The following ADA variants were observed in gnomAD, a reference collection of about 807,000 sequenced individuals.
The protein encoded by ADA is adenosine aminohydrolase.
A neutral mutation model predicts 49.0 loss-of-function variants in ADA; 45 were observed. That is an observed-to-expected ratio of 0.92 (90% CI 0.72 to 1.18). ADA has a LOEUF of 1.18. ADA is among the 50% of genes most tolerant of loss of function. ADA has a pLI of 0.00. For missense variants in ADA, 445 were observed against 472.5 expected, an observed-to-expected ratio of 0.94 and a Z score of 0.54; for synonymous variants, 173 against 184.2, an observed-to-expected ratio of 0.94 and a Z score of 0.49.
chr20:44,632,088 A>G (rs547946107), intron 2 of ADA, among the ~76,000 whole-genome samples: 74 of 152,254 alleles, frequency 4.9e-4, no homozygotes, highest in Non-Finnish European at 1.0e-3. Context: ...CTCAACAACC[A>G]TCAAGAAGGA....
chr20:44,645,600 C>T (rs1233531840), intron 1 of ADA, among the ~76,000 whole-genome samples: 4 of 152,014 alleles, frequency 2.6e-5, no homozygotes, highest in African/African-American at 4.8e-5. Flanking sequence ...CCAGCCTGGG[C>T]GACAGAGTGA....
intron 1 of ADA, among the ~76,000 whole-genome samples, chr20:44,642,829 C>A (rs116181897): frequency 6.6e-6 from 1 of 152,286 alleles, no homozygotes; most frequent in African/African-American, 2.4e-5. Context: ...GGGTGCTCAG[C>A]GGGGCAGAAG....
In ADA at chr20:44,623,033, C is replaced by G. The variant is rs768814204; in HGVS notation, c.652G>C (p.Val218Leu). 2 of 1,614,204 alleles carry G rather than the reference C, an allele frequency of 1.2e-6. No individual in the cohort carries two copies. Among genetic ancestry groups the G allele is most frequent in the Non-Finnish European group, 1.7e-6 (2 of 1,180,042 alleles). Residue 218 changes from valine to leucine, a missense_variant, in exon 7 of 12, where the codon GTG becomes CTG. By Grantham distance (32) the Val-to-Leu change is conservative. Transcript: ENST00000372874. Reference sequence around the variant, plus strand: ...TCTTTTACTACTTCGGCCGAGCCCACCTCCCCGGCGTGGACAGTACGGTGA... The same window carrying G: ...TCTTTTACTACTTCGGCCGAGCCCAGCTCCCCGGCGTGGACAGTACGGTGA... ...GIHRTVHAGE[V>L]GSAEVVKEAV...
intron 1 of ADA, among the ~76,000 whole-genome samples, chr20:44,638,421 C>CA (rs1568852512): frequency 6.6e-6 from 1 of 151,952 alleles, no homozygotes; most frequent in East Asian, 1.9e-4. Context: ...ACTAAAAATG[C>CA]AAAAAATTAG....
intron 2 of ADA, among the ~76,000 whole-genome samples, chr20:44,634,665 G>T (rs2065463530): frequency 6.6e-6 from 1 of 152,240 alleles, no homozygotes; most frequent in South Asian, 2.1e-4. Flanking sequence ...AGTTAAATAG[G>T]AATTAAATCA....
In ADA at chr20:44,634,636, T is replaced by C. The variant is rs537064231; in HGVS notation, c.95+1591A>G. Among the ~76,000 whole-genome samples, 4 of 152,374 alleles carry C rather than the reference T, an allele frequency of 2.6e-5. No homozygotes were observed. In the East Asian group the frequency reaches 5.8e-4, roughly 22 times the overall value. On this transcript the variant is annotated intron_variant, in intron 2 of 11. Transcript: ENST00000372874. ...GGAGTGTTTGGCACACAGGAGGTGC[T>C]ACTGTGCTTATGCCTTGCAGTTAAA...
chr20:44,642,331 A>ACCTT (rs2065544015), intron 1 of ADA, among the ~76,000 whole-genome samples: 1 of 152,144 alleles, frequency 6.6e-6, no homozygotes, highest in Admixed American at 6.5e-5. Context: ...GAGCAAACAC[A>ACCTT]CCTTTCTGAA....
chr20:44,629,293 G>A (rs555246334), intron 2 of ADA, 124 bp from the exon 3 acceptor site: 309 of 1,404,510 alleles, frequency 2.2e-4, no homozygotes, highest in Non-Finnish European at 2.7e-4. Flanking sequence ...AGACATGGGC[G>A]TCTCTCAGTC....
chr20:44,622,797 G>A (rs1470259326), intron 8 of ADA, 32 bp downstream of exon 8: 2 of 1,614,192 alleles, frequency 1.2e-6, no homozygotes, highest in Admixed American at 1.7e-5. Flanking sequence ...GACAGCCGGG[G>A]ATGGTTCCTC....
In ADA at chr20:44,621,008, A is replaced by C. The variant is rs373146145; in HGVS notation, c.975+10T>G. The C allele has an allele frequency of 1.9e-5, 31 of 1,613,714 alleles. No individual in the cohort carries two copies. Among genetic ancestry groups the C allele is most frequent in the Non-Finnish European group, 2.5e-5 (30 of 1,179,970 alleles). On this transcript the variant is annotated intron_variant, in intron 10 of 11. Transcript: ENST00000372874. The stretch of plus-strand genomic sequence containing the variant: ...CCGAGTCAAGGCCAGTATGGCTCAC[A>C]CCCACTCACCAGCCTTTTAAACTCC...
At chr20:44,634,139 C>A (rs2065458446) in intron 2 of ADA, among the ~76,000 whole-genome samples, 1 of 152,234 alleles carries the variant, frequency 6.6e-6, no homozygotes, top group Admixed American at 6.5e-5. Context: ...CAGCCCCTGG[C>A]TGCAGCTGAT....
At chr20:44,648,272 G>C (rs2065610807) in intron 1 of ADA, among the ~76,000 whole-genome samples, 1 of 152,024 alleles carries the variant, frequency 6.6e-6, no homozygotes, top group Admixed American at 6.5e-5. Flanking sequence ...TGGGGGTATG[G>C]GAGGCACACC....
chr20:44,624,468 T>C, intron 5 of ADA, 139 bp from the exon 6 acceptor site: 2 of 1,178,838 alleles, frequency 1.7e-6, no homozygotes, highest in Non-Finnish European at 2.5e-6. Flanking sequence ...TCCTAACTGC[T>C]ATGTCCTAAC....
chr20:44,626,571 C>T lies in ADA; in HGVS notation c.247G>A (p.Ala83Thr), dbSNP rs776103734. 6.8e-6 allele frequency: 11 copies of T among 1,614,146 alleles called. No homozygotes were observed. Among genetic ancestry groups the T allele is most frequent in the Middle Eastern group, 1.7e-4 (1 of 6,044 alleles). Residue 83 changes from alanine to threonine, a missense_variant, in exon 4 of 12, where the codon GCC becomes ACC. Physicochemically the swap from Ala to Thr is moderately conservative, Grantham distance 58. Transcript: ENST00000372874. ...GCCTTCATCTCTACAAACTCATAGGCGATCCTTTTGATAGCCTCCCGGCAG... is the reference window on the plus strand; with the variant it reads ...GCCTTCATCTCTACAAACTCATAGGTGATCCTTTTGATAGCCTCCCGGCAG... ...AGCREAIKRI[A>T]YEFVEMKAKE...
chr20:44,621,102 C>T lies in ADA; in HGVS notation c.891G>A (p.Pro297=), dbSNP rs776360146. 1.7e-5 allele frequency: 27 copies of T among 1,614,018 alleles called. No homozygotes were observed. The highest frequency in any genetic ancestry group is 1.6e-4 in the Middle Eastern group (1 of 6,082). The stretch of plus-strand genomic sequence containing the variant: ...TGTCCAGGGTGGACTTGAAGATGAG[C>T]GGGTCATCTGTGTTGAGCGAGTAGT... ...QANYSLNTDD[P]LIFKSTLDTD... Residue 297 remains proline (P), a synonymous_variant, in exon 10 of 12, where the codon CCG becomes CCA. Coordinates refer to ENST00000372874, the MANE Select transcript of ADA (RefSeq NM_000022.4).
Position 44,632,410 on chromosome 20 carries a change from G to A in ADA, c.96-3241C>T, listed in dbSNP as rs79955658. 4.6e-3 allele frequency among the ~76,000 whole-genome samples: 698 copies of A among 152,228 alleles called. 3 individuals are homozygous for A. The highest frequency in any genetic ancestry group is 0.016 in the African/African-American group (670 of 41,538). The stretch of plus-strand genomic sequence containing the variant: ...CTAGCATGAAATAATTTACCTTTTT[G>A]AAAGCTCCTCTGGCTGCTGCGTGGG... On this transcript the variant is annotated intron_variant, in intron 2 of 11. Coordinates refer to ENST00000372874, the MANE Select transcript of ADA (RefSeq NM_000022.4).
intron 3 of ADA, among the ~76,000 whole-genome samples, chr20:44,627,220 C>T (rs766220698): frequency 4.0e-5 from 6 of 150,108 alleles, no homozygotes; most frequent in African/African-American, 9.9e-5. Flanking sequence ...CTTGCTCTGT[C>T]GCCCAGGCTG....
intron 1 of ADA, among the ~76,000 whole-genome samples, chr20:44,638,677 T>C (rs578182108): frequency 6.6e-6 from 1 of 152,334 alleles, no homozygotes; most frequent in East Asian, 1.9e-4. Flanking sequence ...GTCCTGTTCC[T>C]GGGGCTTGTA....
At chr20:44,626,243 G>A in intron 4 of ADA, 1 of 686,776 alleles carries the variant, frequency 1.5e-6, no homozygotes, top group Non-Finnish European at 2.5e-6. Flanking sequence ...CCAAACACTT[G>A]TGCCCAAGGT....
Sources: allele counts gnomAD v4.1 joint callset (sites outside exome capture counted in the v4.1 genomes callset), GRCh38; gene constraint gnomAD v4.1.1; transcripts MANE v1.5; gene names NCBI Gene and HGNC (gene_info 2026-07-23, HGNC 2026-07-21).